The following METAP1 variants were observed in gnomAD, a reference collection of about 807,000 sequenced individuals.
METAP1 encodes the protein methionyl aminopeptidase 1.
METAP1 carries 28 observed loss-of-function variants against 53.8 expected under a neutral mutation model. That is an observed-to-expected ratio of 0.52 (90% confidence interval 0.39 to 0.71). The LOEUF is 0.71. METAP1 is among the 30% of genes least tolerant of loss of function. The probability of loss-of-function intolerance (pLI) is 0.00; values close to 1 mark genes in which losing one functional copy is unlikely to be tolerated. For synonymous variants in METAP1, 181 were observed against 165.7 expected (o/e 1.09, Z -0.71); for missense variants, 389 against 479.8 (o/e 0.81, Z 1.77).
At chr4:99,060,360 C>CTT (rs35135230) in intron 10 of METAP1, among the ~76,000 whole-genome samples, 2,310 of 103,590 alleles carry the variant, frequency 0.022, 139 homozygotes, top group South Asian at 0.035. Context: ...TAAGCACATG[C>CTT]TTTTTTTTTT....
intron 9 of METAP1, among the ~76,000 whole-genome samples, chr4:99,049,253 A>C (rs1726498349): frequency 6.6e-6 from 1 of 152,180 alleles, no homozygotes; most frequent in Admixed American, 6.5e-5. Context: ...ATTGGCATAA[A>C]TCAAATTTAT....
At chr4:99,022,425 G>C in intron 1 of METAP1, 1 of 666,678 alleles carries the variant, frequency 1.5e-6, no homozygotes, top group Non-Finnish European at 2.5e-6. Flanking sequence ...CAGTTGCCAG[G>C]TGAGCCCATT....
At chr4:99,020,030 A>G (rs948129901) in intron 1 of METAP1, among the ~76,000 whole-genome samples, 5 of 152,116 alleles carry the variant, frequency 3.3e-5, no homozygotes, top group Non-Finnish European at 5.9e-5. Context: ...CAGCATTATT[A>G]TTATTCCATT....
chr4:99,038,262 A>G (rs1049395265), intron 4 of METAP1, among the ~76,000 whole-genome samples: 1 of 151,872 alleles, frequency 6.6e-6, no homozygotes, highest in African/African-American at 2.4e-5. Context: ...CTAGTTTTAT[A>G]TGTTTTATTT....
intron 1 of METAP1, among the ~76,000 whole-genome samples, chr4:99,015,317 C>G (rs1230755188): frequency 2.0e-5 from 3 of 151,968 alleles, no homozygotes; most frequent in Non-Finnish European, 4.4e-5. Flanking sequence ...GATTTAAAGC[C>G]GAGACTACTG....
At chr4:99,011,005 G>A (rs1396432847) in intron 1 of METAP1, among the ~76,000 whole-genome samples, 1 of 146,840 alleles carries the variant, frequency 6.8e-6, no homozygotes, top group Non-Finnish European at 1.5e-5. Context: ...TGATTTTTAT[G>A]TTGATTATCC....
At chr4:99,018,136 T>C (rs1032160470) in intron 1 of METAP1, among the ~76,000 whole-genome samples, 2 of 152,232 alleles carry the variant, frequency 1.3e-5, no homozygotes, top group Admixed American at 6.5e-5. Context: ...ATCCAGTCAA[T>C]CCCAGAAATA....
Position 99,027,183 on chromosome 4 carries a change from G to A in METAP1, c.115-1684G>A, listed in dbSNP as rs143115674. ...AAAATTTCCCCTTTGCCCTTTGAAG[G>A]TTCACTGAAAAATCAACTTACAAAA... is the stretch of plus-strand genomic sequence containing the variant. On this transcript the variant is annotated intron_variant, in intron 1 of 10. Transcript: ENST00000296411. Among the ~76,000 whole-genome samples, 1,146 of 152,242 alleles carry A rather than the reference G, an allele frequency of 7.5e-3. 11 individuals carry two copies. Among genetic ancestry groups the A allele is most frequent in the African/African-American group, 0.026 (1,100 of 41,534 alleles).
chr4:99,020,028 T>C (rs1723995001), intron 1 of METAP1, among the ~76,000 whole-genome samples: 2 of 152,176 alleles, frequency 1.3e-5, no homozygotes, highest in Admixed American at 6.5e-5. Context: ...AGCAGCATTA[T>C]TATTATTCCA....
At chr4:99,007,823 A>G (rs1723253853) in intron 1 of METAP1, among the ~76,000 whole-genome samples, 1 of 152,156 alleles carries the variant, frequency 6.6e-6, no homozygotes, top group African/African-American at 2.4e-5. Flanking sequence ...ATTGCTTCCT[A>G]GCTCTCTGGC....
intron 9 of METAP1, among the ~76,000 whole-genome samples, chr4:99,049,638 A>G (rs1726541928): frequency 6.6e-6 from 1 of 152,212 alleles, no homozygotes; most frequent in African/African-American, 2.4e-5. Context: ...ATTTAATGTC[A>G]GAAATGAAAG....
intron 3 of METAP1, among the ~76,000 whole-genome samples, chr4:99,035,170 C>G (rs1725336136): frequency 6.6e-6 from 1 of 152,144 alleles, no homozygotes; most frequent in Non-Finnish European, 1.5e-5. Context: ...TAGTCTCTGT[C>G]TAATCTTAAA....
At chr4:99,043,561 A>G (rs758064192) in intron 7 of METAP1, among the ~76,000 whole-genome samples, 174 bp downstream of exon 7, 2 of 152,184 alleles carry the variant, frequency 1.3e-5, no homozygotes, top group African/African-American at 2.4e-5. Context: ...GGTTTTGTGC[A>G]TGTTGCTTTT....
Position 99,034,083 on chromosome 4 carries a change from G to C in METAP1, c.167-147G>C, listed in dbSNP as rs976856878. ...TTTGGTGATTTAGGTTAAGGTAAAA[G>C]TTTGGTGGATTTTTGTGCCTGGACT... On this transcript the variant is annotated intron_variant, in intron 2 of 10. Coordinates refer to ENST00000296411, the MANE Select transcript of METAP1 (RefSeq NM_015143.3). 1.4e-5 allele frequency: 8 copies of C among 584,710 alleles called. No homozygotes were observed. The Admixed American group carries it at 2.4e-4, about 17-fold the overall frequency. 36.2% of individuals were successfully genotyped at this position (584,710 alleles called of 1,614,324 possible).
chr4:99,011,242 C>T (rs62323249), intron 1 of METAP1, among the ~76,000 whole-genome samples: 3,755 of 152,244 alleles, frequency 0.025, 56 homozygotes, highest in Non-Finnish European at 0.035. Context: ...TTCCTGGACT[C>T]AGATGAAAAG....
chr4:99,016,776 T>C (rs1723790415), intron 1 of METAP1, among the ~76,000 whole-genome samples: 1 of 152,200 alleles, frequency 6.6e-6, no homozygotes, highest in Non-Finnish European at 1.5e-5. Context: ...AATGCAGCTG[T>C]CAGTGACCTG....
chr4:99,008,660 G>A (rs1723305159), intron 1 of METAP1, among the ~76,000 whole-genome samples: 1 of 152,130 alleles, frequency 6.6e-6, no homozygotes, highest in South Asian at 2.1e-4. Context: ...GTTAATCTGT[G>A]CCTCAGCTTT....
At chr4:99,011,720 C>T (rs28664730) in intron 1 of METAP1, among the ~76,000 whole-genome samples, 2,079 of 152,120 alleles carry the variant, frequency 0.014, 42 homozygotes, top group African/African-American at 0.047. Flanking sequence ...GCAGGCGGAT[C>T]ACCTGAGGTT....
intron 8 of METAP1, among the ~76,000 whole-genome samples, chr4:99,046,936 CAAAAAAAA>C (rs56702946): frequency 0.073 from 6,032 of 82,302 alleles, 246 homozygotes; most frequent in African/African-American, 0.21. Context: ...ACTGAAGAAA[CAAAAAAAA>C]AAAAAAAAAA....
Sources: gnomAD v4.1 joint callset for allele counts (sites outside exome capture counted in the v4.1 genomes callset) on GRCh38, gnomAD v4.1.1 for gene constraint, MANE v1.5 for transcripts, NCBI Gene and HGNC (gene_info 2026-07-23, HGNC 2026-07-21) for gene names.